SLC44A1: variants seen among roughly 807,000 people sequenced by gnomAD.
SLC44A1 encodes the protein choline transporter-like protein 1.
SLC44A1 carries 26 observed loss-of-function variants against 79.3 expected under a neutral mutation model. The observed-to-expected ratio is 0.33, with a 90% CI of 0.24 to 0.46. The LOEUF (loss-of-function observed/expected upper bound fraction) is 0.46, where lower values mean the gene tolerates loss of function less well. Ranked by LOEUF, SLC44A1 falls within the 20% of genes least tolerant of loss-of-function variation. The probability of loss-of-function intolerance (pLI) is 1.00; values close to 1 mark genes in which losing one functional copy is unlikely to be tolerated. For synonymous variants in SLC44A1, 263 were observed against 286.2 expected, an observed-to-expected ratio of 0.92 and a Z score of 0.82; for missense variants, 688 against 798.1, an observed-to-expected ratio of 0.86 and a Z score of 1.66.
intron 15 of SLC44A1, among the ~76,000 whole-genome samples, chr9:105,432,727 T>C (rs192832348): frequency 2.9e-4 from 44 of 152,336 alleles, no homozygotes; most frequent in African/African-American, 3.6e-4. Flanking sequence ...GGAACAAAGA[T>C]GGTTTTCTGC....
intron 1 of SLC44A1, among the ~76,000 whole-genome samples, chr9:105,279,120 C>T (rs146156172): frequency 1.1e-3 from 163 of 151,492 alleles, no homozygotes; most frequent in African/African-American, 3.6e-3. Context: ...AATAGGTATT[C>T]CCCGGGAGGC....
intron 15 of SLC44A1, among the ~76,000 whole-genome samples, chr9:105,403,837 T>C (rs1338165714): frequency 8.7e-6 from 1 of 114,964 alleles, no homozygotes; most frequent in African/African-American, 3.1e-5. Context: ...GAAGTGTAGG[T>C]GTGGGGACAT....
In SLC44A1 at chr9:105,373,118, T is replaced by G. The variant is rs528007356; in HGVS notation, c.1495-1480T>G. 2.7e-4 allele frequency among the ~76,000 whole-genome samples: 41 copies of G among 152,318 alleles called. 1 individual carries two copies. The East Asian group carries it at 7.3e-3, about 27-fold the overall frequency. Reference sequence around the variant, plus strand: ...TACAGACTCCTAATAACTAACAAGCTTATAATTAGAATATTCGTAAATTGT... The same window carrying G: ...TACAGACTCCTAATAACTAACAAGCGTATAATTAGAATATTCGTAAATTGT... On this transcript the variant is annotated intron_variant, in intron 12 of 15. Transcript: ENST00000374720.
intron 1 of SLC44A1, among the ~76,000 whole-genome samples, chr9:105,257,681 C>G (rs547369167): frequency 1.3e-5 from 2 of 152,228 alleles, no homozygotes; most frequent in African/African-American, 2.4e-5. Context: ...AAATGATTCT[C>G]CAGCAAAAGA....
chr9:105,245,957 A>C (rs1442572873), intron 1 of SLC44A1, among the ~76,000 whole-genome samples: 1 of 152,226 alleles, frequency 6.6e-6, no homozygotes, highest in Non-Finnish European at 1.5e-5. Flanking sequence ...TATAAAAAGC[A>C]ATCAGGAATA....
chr9:105,316,253 G>A (rs1831322237), intron 3 of SLC44A1, among the ~76,000 whole-genome samples: 2 of 152,124 alleles, frequency 1.3e-5, no homozygotes, highest in Admixed American at 1.3e-4. Flanking sequence ...GGTATGAGAG[G>A]TTATAATGGG....
intron 1 of SLC44A1, among the ~76,000 whole-genome samples, chr9:105,282,167 T>G (rs1237273966): frequency 6.6e-6 from 1 of 151,918 alleles, no homozygotes; most frequent in Non-Finnish European, 1.5e-5. Flanking sequence ...GGTGTGGAGG[T>G]TTATAGATAC....
In SLC44A1 at chr9:105,395,420, C is replaced by T. The variant is rs1039416594; in HGVS notation, c.*6364C>T. ...TTTTAGTAGAGACGGGGTTTCACCA[C>T]GTTGGCCAGGCCAATCTCGAACTCC... On this transcript the variant is annotated 3_prime_UTR_variant, in exon 16 of 16. Coordinates refer to ENST00000374720, the MANE Select transcript of SLC44A1 (RefSeq NM_080546.5). 4.3e-6 allele frequency: 2 copies of T among 468,330 alleles called. No homozygotes were observed. The highest frequency in any genetic ancestry group is 6.4e-5 in the Admixed American group (1 of 15,616). 29.0% of individuals were successfully genotyped at this position (468,330 alleles called of 1,614,324 possible).
At chr9:105,245,113 CTGCGCGGCGCCTA>C (rs912803537) in intron 1 of SLC44A1, among the ~76,000 whole-genome samples, 10 of 152,110 alleles carry the variant, frequency 6.6e-5, no homozygotes, top group Non-Finnish European at 1.0e-4. Flanking sequence ...AAAGGCGCCT[CTGCGCGGCGCCTA>C]GTGCGCCCTC....
At chr9:105,315,436 T>C (rs1047379308) in intron 3 of SLC44A1, among the ~76,000 whole-genome samples, 4 of 152,180 alleles carry the variant, frequency 2.6e-5, no homozygotes, top group African/African-American at 9.7e-5. Flanking sequence ...ATATACAGAA[T>C]AGGACTTTAG....
At chr9:105,417,941 CAGG>C (rs1829193657) in intron 15 of SLC44A1, among the ~76,000 whole-genome samples, 1 of 147,836 alleles carries the variant, frequency 6.8e-6, no homozygotes, top group Admixed American at 6.6e-5. Flanking sequence ...TGCTTGAGCC[CAGG>C]AGTTTGAGGC....
At chr9:105,421,958 T>C (rs558832731) in intron 15 of SLC44A1, among the ~76,000 whole-genome samples, 1 of 152,282 alleles carries the variant, frequency 6.6e-6, no homozygotes, top group South Asian at 2.1e-4. Context: ...CAGGCCTAAC[T>C]TTTCCAGTAA....
intron 15 of SLC44A1, among the ~76,000 whole-genome samples, chr9:105,411,381 C>T (rs568089053): frequency 2.6e-5 from 4 of 151,380 alleles, no homozygotes; most frequent in African/African-American, 9.7e-5. Flanking sequence ...CCTTTTCCTA[C>T]CTCTCCCTCC....
intron 3 of SLC44A1, among the ~76,000 whole-genome samples, chr9:105,335,193 T>C (rs1371808198): frequency 6.6e-6 from 1 of 152,138 alleles, no homozygotes; most frequent in African/African-American, 2.4e-5. Context: ...TAAACTGTTA[T>C]TCATGCTGTA....
chr9:105,274,483 A>G (rs1830154690), intron 1 of SLC44A1, among the ~76,000 whole-genome samples: 1 of 152,262 alleles, frequency 6.6e-6, no homozygotes, highest in South Asian at 2.1e-4. Flanking sequence ...CCTCCTTTCA[A>G]GAAGCCTTCC....
Position 105,393,753 on chromosome 9 carries a change from A to G in SLC44A1, c.*4697A>G. The stretch of plus-strand genomic sequence containing the variant: ...AGAATGTGTTCTAAGGAAATTCGTT[A>G]GTAAATTTGTGAAAAACATGTGAGA... On this transcript the variant is annotated 3_prime_UTR_variant, in exon 16 of 16. Transcript: ENST00000374720. The G allele has an allele frequency of 1.0e-6, 1 of 985,278 alleles. No homozygotes were observed. Among genetic ancestry groups the G allele is most frequent in the Non-Finnish European group, 1.2e-6 (1 of 829,788 alleles). The allele number at this position is 985,278 out of a possible 1,614,324, so 61.0% of individuals were successfully genotyped here. A position where few individuals can be genotyped will look rare whatever the true frequency, so the allele number is the denominator to read the frequency against.
chr9:105,412,894 C>T (rs910131602), intron 15 of SLC44A1, among the ~76,000 whole-genome samples: 23 of 152,236 alleles, frequency 1.5e-4, no homozygotes, highest in African/African-American at 5.5e-4. Context: ...TGAGTCACCA[C>T]GCCCTGCCTA....
chr9:105,326,874 C>T (rs1159644239), intron 3 of SLC44A1, among the ~76,000 whole-genome samples: 1 of 152,182 alleles, frequency 6.6e-6, no homozygotes, highest in African/African-American at 2.4e-5. Flanking sequence ...TGTATAGGTC[C>T]ATTTGGACAC....
At position 105,392,432 on chromosome 9, in the gene SLC44A1, C is replaced by CT. The variant is rs1828786886; in HGVS notation, c.*3376_*3377insT. 1 of 477,350 alleles carries CT rather than the reference C, an allele frequency of 2.1e-6. No homozygotes were observed. The allele number at this position is 477,350 out of a possible 1,614,324, so 29.6% of individuals were successfully genotyped here. A position where few individuals can be genotyped will look rare whatever the true frequency, so the allele number is the denominator to read the frequency against. ...TTTTTTTTTTTTTTTTTTTTTTTTC[C>CT]GTGAGGGCATTAGGCTGCTGATTGT... On this transcript the variant is annotated 3_prime_UTR_variant, in exon 16 of 16. Transcript: ENST00000374720.
Sources: gnomAD v4.1 joint callset for allele counts (sites outside exome capture counted in the v4.1 genomes callset) on GRCh38, gnomAD v4.1.1 for gene constraint, MANE v1.5 for transcripts, NCBI Gene and HGNC (gene_info 2026-07-23, HGNC 2026-07-21) for gene names.